Variants in MMUT observed in about 807,000 individuals in gnomAD.
The protein encoded by MMUT is methylmalonyl-CoA mutase, mitochondrial.
MMUT carries 79 observed loss-of-function variants against 79.9 expected under a neutral mutation model. The ratio of observed to expected loss-of-function variants is 0.99; its 90% confidence interval spans 0.82 to 1.19. The LOEUF is 1.19. MMUT is among the 50% of genes most tolerant of loss of function. The pLI is 0.00. For missense variants in MMUT, 860 were observed against 917.2 expected, an observed-to-expected ratio of 0.94 and a Z score of 0.81; for synonymous variants, 273 against 295.7, an observed-to-expected ratio of 0.92 and a Z score of 0.79.
intron 1 of MMUT, among the ~76,000 whole-genome samples, chr6:49,462,212 C>A (rs1223658092): frequency 6.6e-6 from 1 of 152,158 alleles, no homozygotes; most frequent in African/African-American, 2.4e-5. Context: ...ACATGCAAAG[C>A]AAATATGTTA....
At chr6:49,435,404 T>C (rs1767094325) in intron 12 of MMUT, 52 bp downstream of exon 12, 5 of 1,503,106 alleles carry the variant, frequency 3.3e-6, no homozygotes, top group Non-Finnish European at 4.6e-6. Context: ...AAATAAGCTA[T>C]CATTACTCAA....
Position 49,441,990 on chromosome 6 carries a change from G to A in MMUT, c.1677-19C>T. The A allele has an allele frequency of 3.1e-6, 5 of 1,602,322 alleles. No homozygotes were observed. The highest frequency in any genetic ancestry group is 4.3e-6 in the Non-Finnish European group (5 of 1,170,462). ...TGTACATCTGAAACATGAAATGGTG[G>A]TTCCATTAACTTCATTATTTTGTGA... On this transcript the variant is annotated intron_variant, in intron 9 of 12. Transcript: ENST00000274813.
intron 12 of MMUT, 105 bp from the exon 13 acceptor site, chr6:49,431,961 AACTGGTATACT>A: frequency 7.6e-7 from 1 of 1,319,976 alleles, no homozygotes; most frequent in African/African-American, 1.5e-5. Context: ...AAACCTTCTC[AACTGGTATACT>A]ACTGGCATTT....
At position 49,451,709 on chromosome 6, in the gene MMUT, G is replaced by C. The variant is rs1767559349; in HGVS notation, c.1089C>G (p.Pro363=). 3.7e-6 allele frequency: 6 copies of C among 1,613,750 alleles called. No individual in the cohort carries two copies. Among genetic ancestry groups the C allele is most frequent in the Non-Finnish European group, 5.1e-6 (6 of 1,179,780 alleles). ...TSGWSLTEQD[P]YNNIVRTAIE... is the part of the protein sequence containing the mutation. ...TTGCAGTACGGACAATATTATTGTA[G>C]GGATCCTAAAATATTTGATAAAAAA... The change falls in exon 6 of 13, where the codon CCC becomes CCG. Residue 363 remains proline, a synonymous_variant. Transcript: ENST00000274813.
chr6:49,459,329 C>G lies in MMUT; in HGVS notation c.138G>C (p.Leu46=). The change falls in exon 2 of 13, where the codon CTG becomes CTC. Residue 46 remains leucine, a synonymous_variant. Transcript: ENST00000274813. ...QQPLHPEWAA[L]AKKQLKGKNP... is the part of the protein sequence containing the mutation. The stretch of plus-strand genomic sequence containing the variant: ...TTTTGCCTTTCAGCTGCTTTTTAGC[C>G]AGGGCAGCCCATTCTGGGTGAAGGG... 3 of 1,614,076 alleles carry G rather than the reference C, an allele frequency of 1.9e-6. No homozygotes were observed. The highest frequency in any genetic ancestry group is 2.5e-6 in the Non-Finnish European group (3 of 1,180,024).
chr6:49,444,784 T>TGTCATG (rs1561953906), intron 8 of MMUT, 30 bp from the exon 9 acceptor site: 1 of 1,527,650 alleles, frequency 6.5e-7, no homozygotes, highest in Middle Eastern at 1.7e-4. Flanking sequence ...AAGGGACAAT[T>TGTCATG]TACATGAAGA....
chr6:49,451,836 T>C, intron 5 of MMUT, 122 bp from the exon 6 acceptor site: 1 of 1,104,040 alleles, frequency 9.1e-7, no homozygotes, highest in South Asian at 1.5e-5. Flanking sequence ...CATATTAAGC[T>C]TCAGAATAGC....
chr6:49,440,588 A>G (rs1350751149), intron 10 of MMUT, among the ~76,000 whole-genome samples: 2 of 152,094 alleles, frequency 1.3e-5, no homozygotes, highest in Non-Finnish European at 2.9e-5. Flanking sequence ...AGATCACCCC[A>G]TCACCTAGGT....
intron 11 of MMUT, among the ~76,000 whole-genome samples, chr6:49,436,260 C>A (rs1767123311): frequency 1.3e-5 from 2 of 152,130 alleles, no homozygotes; most frequent in Non-Finnish European, 2.9e-5. Context: ...CCCAACCCAG[C>A]AATCCCATTA....
chr6:49,458,697 A>G (rs968050539), intron 2 of MMUT, among the ~76,000 whole-genome samples: 11 of 152,214 alleles, frequency 7.2e-5, no homozygotes, highest in African/African-American at 2.4e-4. Flanking sequence ...GTTGCACTGA[A>G]TATGTTTGTA....
Position 49,453,740 on chromosome 6 carries a change from C to A in MMUT, c.928G>T (p.Gly310Ter). 1 of 1,612,476 alleles carries A rather than the reference C, an allele frequency of 6.2e-7. No individual in the cohort carries two copies. The highest frequency in any genetic ancestry group is 8.5e-7 in the Non-Finnish European group (1 of 1,179,110). The change falls in exon 5 of 13, where the codon GGA (glycine) becomes TGA (stop). Residue 310 changes from glycine (G) to a stop codon, truncating the protein, a stop_gained. Transcript: ENST00000274813. LOFTEE classifies it high-confidence loss of function. Reference protein sequence around the residue: ...EFAPRLSFFWGIGMNFYMEIA... With the variant: ...EFAPRLSFFW The stretch of plus-strand genomic sequence containing the variant: ...TCCATATAGAAATTCATTCCAATTC[C>A]CCAGAAGAAAGACAACCTAAAATAG...
intron 6 of MMUT, among the ~76,000 whole-genome samples, chr6:49,451,224 T>C (rs1767542612): frequency 6.6e-6 from 1 of 152,220 alleles, no homozygotes; most frequent in African/African-American, 2.4e-5. Context: ...ATACTAGCTG[T>C]CTTTTTAATT....
chr6:49,461,616 A>G (rs1767845460), intron 1 of MMUT, among the ~76,000 whole-genome samples: 1 of 152,114 alleles, frequency 6.6e-6, no homozygotes, highest in South Asian at 2.1e-4. Flanking sequence ...TAAAAATACA[A>G]AAATTAGCTG....
chr6:49,449,137 T>A (rs773493696), intron 6 of MMUT, among the ~76,000 whole-genome samples: 7 of 152,130 alleles, frequency 4.6e-5, no homozygotes, highest in Admixed American at 6.6e-5. Context: ...CTAACAAGTA[T>A]ATTCCAAAAA....
At chr6:49,434,384 T>C (rs1169058823) in intron 12 of MMUT, among the ~76,000 whole-genome samples, 4 of 152,178 alleles carry the variant, frequency 2.6e-5, no homozygotes, top group East Asian at 1.9e-4. Flanking sequence ...CATATGAATT[T>C]TCTCCTTTCA....
At chr6:49,447,934 T>C in intron 7 of MMUT, 149 bp from the exon 8 acceptor site, 1 of 612,072 alleles carries the variant, frequency 1.6e-6, no homozygotes, top group Non-Finnish European at 2.9e-6. Context: ...CAAATCCCAA[T>C]CTGAGAAGGG....
At chr6:49,439,997 T>C (rs1767229785) in intron 11 of MMUT, among the ~76,000 whole-genome samples, 1 of 152,212 alleles carries the variant, frequency 6.6e-6, no homozygotes, top group African/African-American at 2.4e-5. Context: ...AGTAAAGGTA[T>C]ATTGCTGGCC....
In MMUT at chr6:49,444,758, T is replaced by C. The variant is rs555905807; in HGVS notation, c.1561-4A>G. The C allele has an allele frequency of 5.6e-6, 9 of 1,607,402 alleles. No homozygotes were observed. Among genetic ancestry groups the C allele is most frequent in the African/African-American group, 5.3e-5 (4 of 74,832 alleles). On this transcript the variant is annotated splice_region_variant and splice_polypyrimidine_tract_variant and intron_variant, in intron 8 of 12. Coordinates refer to ENST00000274813, the MANE Select transcript of MMUT (RefSeq NM_000255.4). ...CTTGATCCCTGCTGGATTTGATCTA[T>C]GGAAAAAGTCAAGGAAAGGGACAAT...
At chr6:49,451,418 A>G (rs1185081607) in intron 6 of MMUT, 48 bp downstream of exon 6, 4 of 1,592,596 alleles carry the variant, frequency 2.5e-6, no homozygotes, top group Non-Finnish European at 3.4e-6. Context: ...ATAAATCTTT[A>G]CAAATCTGTA....
Sources: gnomAD v4.1 joint callset for allele counts (sites outside exome capture counted in the v4.1 genomes callset) on GRCh38, gnomAD v4.1.1 for gene constraint, MANE v1.5 for transcripts, NCBI Gene and HGNC (gene_info 2026-07-23, HGNC 2026-07-21) for gene names.